Variants in PKN2 observed in about 807,000 individuals in gnomAD.
The protein encoded by PKN2 is serine/threonine-protein kinase N2.
A neutral mutation model predicts 119.1 loss-of-function variants in PKN2; 38 were observed. The ratio of observed to expected loss-of-function variants is 0.32; its 90% CI spans 0.25 to 0.42. The LOEUF is 0.42. Ranked by LOEUF, PKN2 falls within the 10% of genes least tolerant of loss-of-function variation. The pLI is 1.00. For missense variants in PKN2, 850 were observed against 1,165.1 expected, an observed-to-expected ratio of 0.73 and a Z score of 3.94; for synonymous variants, 390 against 384.9, an observed-to-expected ratio of 1.01 and a Z score of -0.15.
intron 1 of PKN2, among the ~76,000 whole-genome samples, chr1:88,737,151 G>A (rs1482717723): frequency 6.6e-6 from 1 of 152,144 alleles, no homozygotes; most frequent in Admixed American, 6.5e-5. Flanking sequence ...GAAAACCATA[G>A]CTGCCAAGAC....
intron 2 of PKN2, among the ~76,000 whole-genome samples, chr1:88,752,831 T>G (rs922182108): frequency 6.6e-6 from 1 of 152,146 alleles, no homozygotes; most frequent in African/African-American, 2.4e-5. Context: ...ATAGTTGGAT[T>G]TATTTTATTC....
intron 4 of PKN2, 129 bp downstream of exon 4, chr1:88,770,598 T>C: frequency 3.2e-6 from 2 of 617,258 alleles, no homozygotes; most frequent in East Asian, 2.7e-5. Context: ...TTTTCTTTTT[T>C]TTTTTGAGAC....
At chr1:88,820,201 T>C (rs1427938883) in intron 16 of PKN2, among the ~76,000 whole-genome samples, 11 of 74,232 alleles carry the variant, frequency 1.5e-4, no homozygotes, top group Non-Finnish European at 2.8e-4. Context: ...TATATATATA[T>C]ATATATATAT....
chr1:88,804,463 G>C lies in PKN2; in HGVS notation c.1354G>C (p.Glu452Gln). ...GTGTGCTGTAAAATTTCTGAGGTTA[G>C]AAGATTTTTTAGACAACCAACGGCA... is the stretch of plus-strand genomic sequence containing the variant. ...SLCAVKFLRL[E>Q]DFLDNQRHGM... Residue 452 changes from glutamate (E) to glutamine (Q), a missense_variant, in exon 9 of 22, where the codon GAA (glutamate) becomes CAA (glutamine). Around this residue, in one of 9 missense-constraint regions of PKN2, gnomAD observed 350 missense variants for 511.1 expected, o/e 0.68. Coordinates refer to ENST00000370521, the MANE Select transcript of PKN2 (RefSeq NM_006256.4). 6.2e-7 allele frequency: 1 copy of C among 1,613,632 alleles called. No individual in the cohort carries two copies. The highest frequency in any genetic ancestry group is 8.5e-7 in the Non-Finnish European group (1 of 1,179,786).
At chr1:88,776,334 C>G (rs1196525054) in intron 6 of PKN2, among the ~76,000 whole-genome samples, 1 of 150,098 alleles carries the variant, frequency 6.7e-6, no homozygotes, top group African/African-American at 2.5e-5. Flanking sequence ...CTCCTAGTGT[C>G]TACCTCCCTT....
At chr1:88,714,990 T>C (rs1667386791) in intron 1 of PKN2, among the ~76,000 whole-genome samples, 1 of 152,228 alleles carries the variant, frequency 6.6e-6, no homozygotes, top group Non-Finnish European at 1.5e-5. Context: ...GAAGCGCTGT[T>C]GAATTTTGTC....
chr1:88,724,539 A>T (rs1468182939), intron 1 of PKN2, among the ~76,000 whole-genome samples: 5 of 151,566 alleles, frequency 3.3e-5, no homozygotes. Context: ...ATAACATTGA[A>T]GAAAGTGGCA....
At chr1:88,829,305 A>G (rs1158461993) in intron 19 of PKN2, 2 of 607,458 alleles carry the variant, frequency 3.3e-6, no homozygotes, top group East Asian at 5.9e-5. Flanking sequence ...ATACCTTCAC[A>G]TGTGCTATCA....
intron 3 of PKN2, among the ~76,000 whole-genome samples, chr1:88,761,166 C>T (rs1190344590): frequency 1.3e-5 from 2 of 151,800 alleles, no homozygotes; most frequent in East Asian, 3.9e-4. Context: ...AGGTATAATG[C>T]AGCAAAAAAA....
chr1:88,786,212 G>A lies in PKN2; in HGVS notation c.1280G>A (p.Arg427Lys), dbSNP rs778983224. The change falls in exon 8 of 22, where the codon AGG (arginine) becomes AAG (lysine). Residue 427 changes from arginine (R) to lysine (K), a missense_variant and splice_region_variant. Transcript: ENST00000370521. ...CAGAAGTTTACACTGGAACTGGACA[G>A]GGTAAGAGGACTAACATTTTACTTG... The part of the protein sequence containing the change: ...WDQKFTLELD[R>K]SRELEISVYW... The A allele has an allele frequency of 2.1e-6, 3 of 1,462,432 alleles. No homozygotes were observed. The highest frequency in any genetic ancestry group is 2.3e-5 in the East Asian group (1 of 44,050). The allele number at this position is 1,462,432 out of a possible 1,614,324, so 90.6% of individuals were successfully genotyped here.
At chr1:88,751,867 T>G (rs1469702977) in intron 2 of PKN2, among the ~76,000 whole-genome samples, 2 of 150,932 alleles carry the variant, frequency 1.3e-5, no homozygotes, top group African/African-American at 2.5e-5. Context: ...TTTCAGCACT[T>G]AGAAACTGTT....
rs2100922025 is a variant in PKN2, at chr1:88,824,394, A to G, written c.2419+8A>G. ...TTGGTCTTTGCAAAGAAGGTAATCG[A>G]ATGTTTTTAAGTTTCTTTTCTGATT... On this transcript the variant is annotated splice_region_variant and intron_variant, in intron 18 of 21. Transcript: ENST00000370521. 1 of 1,511,194 alleles carries G rather than the reference A, an allele frequency of 6.6e-7. No individual in the cohort carries two copies. The highest frequency in any genetic ancestry group is 9.2e-7 in the Non-Finnish European group (1 of 1,087,338). 93.6% of individuals were successfully genotyped at this position (1,511,194 alleles called of 1,614,324 possible). A position where few individuals can be genotyped will look rare whatever the true frequency, so the allele number is the denominator to read the frequency against.
chr1:88,713,153 CT>C (rs1398365631), intron 1 of PKN2, among the ~76,000 whole-genome samples: 26 of 152,246 alleles, frequency 1.7e-4, no homozygotes, highest in Non-Finnish European at 2.9e-4. Context: ...ATGTGCCACA[CT>C]TTCTTAATCC....
At chr1:88,743,306 A>G (rs566833633) in intron 2 of PKN2, among the ~76,000 whole-genome samples, 6 of 152,168 alleles carry the variant, frequency 3.9e-5, no homozygotes, top group East Asian at 1.9e-4. Flanking sequence ...CATCTCTACA[A>G]TCGATCTAGA....
At chr1:88,758,901 C>G (rs1383755779) in intron 2 of PKN2, among the ~76,000 whole-genome samples, 1 of 152,056 alleles carries the variant, frequency 6.6e-6, no homozygotes, top group Non-Finnish European at 1.5e-5. Context: ...GGGTATATAC[C>G]CAGTAATGGG....
intron 18 of PKN2, among the ~76,000 whole-genome samples, 157 bp from the exon 19 acceptor site, chr1:88,828,324 C>T (rs761714622): frequency 6.6e-6 from 1 of 152,110 alleles, no homozygotes; most frequent in Non-Finnish European, 1.5e-5. Flanking sequence ...CTATACCAGT[C>T]CTTACTGTTT....
chr1:88,781,728 T>C (rs889358722), intron 6 of PKN2, among the ~76,000 whole-genome samples: 6 of 152,130 alleles, frequency 3.9e-5, no homozygotes, highest in African/African-American at 1.4e-4. Flanking sequence ...CTAAAATATT[T>C]AATAAGCTAC....
chr1:88,810,592 C>A (rs1671741584), intron 15 of PKN2, among the ~76,000 whole-genome samples: 2 of 152,034 alleles, frequency 1.3e-5, no homozygotes, highest in Admixed American at 1.3e-4. Context: ...TTTTTAATAG[C>A]TGTTCCTAGT....
chr1:88,742,824 G>A (rs1668627333), intron 2 of PKN2, among the ~76,000 whole-genome samples: 1 of 152,036 alleles, frequency 6.6e-6, no homozygotes, highest in African/African-American at 2.4e-5. Context: ...ACTACCTTGT[G>A]ATTCGCTGGG....
Sources: gnomAD v4.1 joint callset for allele counts (sites outside exome capture counted in the v4.1 genomes callset) on GRCh38, gnomAD v4.1.1 for gene constraint, gnomAD v4.1.1 regional missense constraint, MANE v1.5 for transcripts, NCBI Gene and HGNC (gene_info 2026-07-23, HGNC 2026-07-21) for gene names.